Variants in C12orf56 observed in about 807,000 individuals in gnomAD.
C12orf56 encodes chromosome 12 open reading frame 56, also known as uncharacterized protein C12orf56.
C12orf56 carries 71 observed loss-of-function variants against 69.9 expected under a neutral mutation model. The ratio of observed to expected loss-of-function variants is 1.02; its 90% confidence interval spans 0.84 to 1.24. The LOEUF (loss-of-function observed/expected upper bound fraction) is 1.24. C12orf56 is among the 50% of genes most tolerant of loss of function. C12orf56 has a pLI of 0.00. For synonymous variants in C12orf56, 276 were observed against 274.1 expected (o/e 1.01, Z -0.07); for missense variants, 732 against 738.5 (o/e 0.99, Z 0.10).
At chr12:64,369,175 T>C (rs1430520546) in intron 1 of C12orf56, among the ~76,000 whole-genome samples, 1 of 144,386 alleles carries the variant, frequency 6.9e-6, no homozygotes, top group Non-Finnish European at 1.5e-5. Flanking sequence ...AAAAAAAGAA[T>C]ACTTAGGTAA....
At chr12:64,383,540 C>T (rs1161258482) in intron 1 of C12orf56, among the ~76,000 whole-genome samples, 2 of 151,942 alleles carry the variant, frequency 1.3e-5, no homozygotes, top group Admixed American at 6.6e-5. Flanking sequence ...CCACATCCAG[C>T]TAATTTTTGT....
chr12:64,308,932 GAAAGAAAGAAGA>G (rs1284892995), intron 5 of C12orf56, among the ~76,000 whole-genome samples: 299 of 32,642 alleles, frequency 9.2e-3, no homozygotes, highest in African/African-American at 0.027. Context: ...AAGAAAGAAA[GAAAGAAAGAAGA>G]AAGAAAGAAA....
chr12:64,308,889 G>GAAGA lies in C12orf56; in HGVS notation c.968+3786_968+3789dup, dbSNP rs1173081507. Among the ~76,000 whole-genome samples, 302 of 69,306 alleles carry GAAGA rather than the reference G, an allele frequency of 4.4e-3. 8 individuals carry two copies. Among genetic ancestry groups the GAAGA allele is most frequent in the Middle Eastern group, 0.027 (3 of 110 alleles). 45.5% of individuals were successfully genotyped at this position (69,306 alleles called of 152,430 possible). A position where few individuals can be genotyped will look rare whatever the true frequency, so the allele number is the denominator to read the frequency against. On this transcript the variant is annotated intron_variant, in intron 5 of 12. Transcript: ENST00000543942. ...AGAAAAGAAAGAAAGAAACAGAAAG[G>GAAGA]AAGAAAGAAAGAAAGAAAGAAAGAA...
intron 6 of C12orf56, among the ~76,000 whole-genome samples, chr12:64,286,737 C>G (rs775878432): frequency 1.3e-5 from 2 of 152,110 alleles, no homozygotes; most frequent in African/African-American, 2.4e-5. Flanking sequence ...CTTTTCTATT[C>G]CTCTATTGTT....
rs1435352403 is a variant in C12orf56, at chr12:64,360,826, T to C, written c.253-7770A>G. On this transcript the variant is annotated intron_variant, in intron 1 of 12. Coordinates refer to ENST00000543942, the MANE Select transcript of C12orf56 (RefSeq NM_001170633.2). ...TAAAAGTCCAAATCAGGAAACATAGTTTTTTTTCCTAAGAATTGCCAACAA... is the reference window on the plus strand; with the variant it reads ...TAAAAGTCCAAATCAGGAAACATAGCTTTTTTTCCTAAGAATTGCCAACAA... 2.6e-5 allele frequency among the ~76,000 whole-genome samples: 4 copies of C among 152,200 alleles called. No homozygotes were observed. The East Asian group carries it at 7.7e-4, about 29-fold the overall frequency.
intron 6 of C12orf56, among the ~76,000 whole-genome samples, chr12:64,300,216 G>A (rs2038426080): frequency 6.6e-6 from 1 of 152,144 alleles, no homozygotes; most frequent in South Asian, 2.1e-4. Context: ...GGAGAGCTAA[G>A]GAGAACAAGT....
At chr12:64,373,513 T>G (rs2039601420) in intron 1 of C12orf56, among the ~76,000 whole-genome samples, 1 of 151,954 alleles carries the variant, frequency 6.6e-6, no homozygotes, top group Admixed American at 6.6e-5. Context: ...TAGAGAAAAA[T>G]TTGGAGATCA....
chr12:64,336,324 T>C (rs189501845), intron 2 of C12orf56, among the ~76,000 whole-genome samples: 166 of 152,304 alleles, frequency 1.1e-3, no homozygotes, highest in African/African-American at 3.8e-3. Flanking sequence ...GCAAGTGTTA[T>C]TCTATGAATA....
intron 1 of C12orf56, among the ~76,000 whole-genome samples, chr12:64,382,958 T>C (rs760928784): frequency 5.9e-5 from 9 of 152,098 alleles, no homozygotes; most frequent in Non-Finnish European, 1.2e-4. Context: ...AAGCAATCCT[T>C]GTTCATTCCT....
At chr12:64,347,761 G>C (rs886400269) in intron 2 of C12orf56, among the ~76,000 whole-genome samples, 12 of 152,166 alleles carry the variant, frequency 7.9e-5, no homozygotes, top group African/African-American at 2.9e-4. Flanking sequence ...AAAAGCTGTG[G>C]TACCTTTTAG....
chr12:64,378,597 C>T (rs948357754), intron 1 of C12orf56, among the ~76,000 whole-genome samples: 1 of 152,152 alleles, frequency 6.6e-6, no homozygotes, highest in African/African-American at 2.4e-5. Context: ...AGACACCCAG[C>T]TAATTTTTGT....
At chr12:64,312,427 C>T (rs111479635) in intron 5 of C12orf56, among the ~76,000 whole-genome samples, 6 of 152,102 alleles carry the variant, frequency 3.9e-5, no homozygotes, top group African/African-American at 1.2e-4. Context: ...GCCAACATGG[C>T]GAAACTCCTG....
rs2038072413 is a variant in C12orf56 at position 64,277,790 on chromosome 12, T to A, written c.1324A>T (p.Asn442Tyr). The change falls in exon 9 of 13, where the codon AAT becomes TAT. Residue 442 changes from asparagine to tyrosine, a missense_variant. Asn to Tyr is a moderately radical substitution (Grantham distance 143). Transcript: ENST00000543942. The part of the protein sequence containing the change: ...TLAAKKGALF[N>Y]LLVILISEPQ... ...TCACTAATTAAAATTACCAAGAGAT[T>A]AAATAGTGCTCCCCTGGAAAAAAAT... is the stretch of plus-strand genomic sequence containing the variant. The A allele has an allele frequency of 6.3e-7, 1 of 1,576,342 alleles. No individual in the cohort carries two copies. Among genetic ancestry groups the A allele is most frequent in the Non-Finnish European group, 8.6e-7 (1 of 1,158,426 alleles).
chr12:64,315,141 G>A (rs1229891432), intron 4 of C12orf56, among the ~76,000 whole-genome samples: 6 of 151,440 alleles, frequency 4.0e-5, no homozygotes, highest in Non-Finnish European at 7.4e-5. Context: ...TAGTAGAGAC[G>A]GGGTTTCACC....
At chr12:64,283,010 T>G (rs758085755) in intron 8 of C12orf56, among the ~76,000 whole-genome samples, 35 of 151,250 alleles carry the variant, frequency 2.3e-4, no homozygotes, top group Non-Finnish European at 3.8e-4. Flanking sequence ...GGCATGGTGG[T>G]GCACGCCTGT....
At chr12:64,379,621 T>C (rs2039685073) in intron 1 of C12orf56, among the ~76,000 whole-genome samples, 1 of 151,848 alleles carries the variant, frequency 6.6e-6, no homozygotes, top group Non-Finnish European at 1.5e-5. Flanking sequence ...TTCAAACAAA[T>C]AATTTAGAAA....
At chr12:64,359,718 T>A (rs536520619) in intron 1 of C12orf56, among the ~76,000 whole-genome samples, 2 of 152,182 alleles carry the variant, frequency 1.3e-5, no homozygotes, top group African/African-American at 4.8e-5. Flanking sequence ...TCTTTTATTA[T>A]TATTATTTTT....
chr12:64,307,055 T>G (rs991092036), intron 5 of C12orf56, among the ~76,000 whole-genome samples: 3 of 152,172 alleles, frequency 2.0e-5, no homozygotes, highest in Non-Finnish European at 4.4e-5. Flanking sequence ...TCATCCTTCT[T>G]GCCTTCAGGA....
chr12:64,338,351 G>A, intron 2 of C12orf56: 1 of 620,964 alleles, frequency 1.6e-6, no homozygotes, highest in Non-Finnish European at 3.1e-6. Flanking sequence ...ATAGCTGGTG[G>A]AGTTGAGATA....
Sources: allele counts gnomAD v4.1 joint callset (sites outside exome capture counted in the v4.1 genomes callset), GRCh38; gene constraint gnomAD v4.1.1; transcripts MANE v1.5; gene names NCBI Gene and HGNC (gene_info 2026-07-23, HGNC 2026-07-21).